ZC3H4: variants seen among roughly 807,000 people sequenced by gnomAD.
ZC3H4 encodes the protein zinc finger CCCH-type containing 4.
A neutral mutation model predicts 108.3 loss-of-function variants in ZC3H4; 13 were observed. The ratio of observed to expected loss-of-function variants is 0.12; its 90% CI spans 0.08 to 0.19. The LOEUF (loss-of-function observed/expected upper bound fraction) is 0.19. Ranked by LOEUF, ZC3H4 falls within the 10% of genes least tolerant of loss-of-function variation. The pLI is 1.00. For missense variants in ZC3H4, 1,734 were observed against 1,838.8 expected, an observed-to-expected ratio of 0.94 and a Z score of 1.04; for synonymous variants, 917 against 749.6, an observed-to-expected ratio of 1.22 and a Z score of -3.65.
chr19:47,092,907 T>C (rs1320829970), intron 4 of ZC3H4, among the ~76,000 whole-genome samples: 3 of 150,946 alleles, frequency 2.0e-5, no homozygotes, highest in Non-Finnish European at 3.0e-5. Context: ...CAACGAATAC[T>C]GGGTAAAGTA....
chr19:47,077,161 G>GA (rs908816683), intron 11 of ZC3H4, among the ~76,000 whole-genome samples: 21 of 142,378 alleles, frequency 1.5e-4, no homozygotes, highest in Non-Finnish European at 1.4e-4. Flanking sequence ...TTCCGTCTTG[G>GA]AAAAAAAAAA....
intron 4 of ZC3H4, 122 bp downstream of exon 4, chr19:47,093,848 A>G: frequency 1.3e-6 from 1 of 759,514 alleles, no homozygotes; most frequent in South Asian, 2.2e-5. Context: ...GATTAAATTA[A>G]TACCTGATGG....
chr19:47,100,469 C>T (rs2057889294), intron 2 of ZC3H4, among the ~76,000 whole-genome samples: 1 of 151,896 alleles, frequency 6.6e-6, no homozygotes. Context: ...CCAAGTGAGA[C>T]ACAAAACTGG....
intron 5 of ZC3H4, among the ~76,000 whole-genome samples, chr19:47,089,565 T>C (rs556118649): frequency 6.6e-6 from 1 of 152,290 alleles, no homozygotes. Context: ...AGGTTCAAGG[T>C]TCAGAGGTGT....
chr19:47,109,386 G>A (rs891006836), intron 2 of ZC3H4, among the ~76,000 whole-genome samples: 8 of 152,224 alleles, frequency 5.3e-5, no homozygotes, highest in African/African-American at 1.4e-4. Context: ...TTTCCTTAAC[G>A]TTTCTTTTTA....
intron 13 of ZC3H4, among the ~76,000 whole-genome samples, chr19:47,069,560 G>A (rs886868230): frequency 5.9e-5 from 9 of 152,262 alleles, no homozygotes; most frequent in South Asian, 4.1e-4. Flanking sequence ...TGAGTGATGC[G>A]GGCAAACGCT....
At chr19:47,087,899 C>A (rs1255811404) in intron 5 of ZC3H4, among the ~76,000 whole-genome samples, 1 of 151,828 alleles carries the variant, frequency 6.6e-6, no homozygotes, top group Non-Finnish European at 1.5e-5. Context: ...ATAGGCTGGG[C>A]GCGGTGGCTC....
Position 47,069,272 on chromosome 19 carries a change from G to A in ZC3H4, c.2218C>T (p.Pro740Ser). The A allele has an allele frequency of 1.9e-6, 3 of 1,613,892 alleles. No individual in the cohort carries two copies. The highest frequency in any genetic ancestry group is 2.5e-6 in the Non-Finnish European group (3 of 1,179,930). ...GGCCCTCCCTCAGAGAAGCTGTCGG[G>A]CTCCAGAGGGTGCTCAGGGAAGAGG... is the stretch of plus-strand genomic sequence containing the variant. ...EHLFPEHPLE[P>S]DSFSEGGPPG... The change falls in exon 14 of 15, where the codon CCC (proline) becomes TCC (serine). Residue 740 changes from proline (P) to serine (S), a missense_variant. Around this residue, in one of 9 missense-constraint regions of ZC3H4, gnomAD observed 540 missense variants for 484.1 expected, o/e 1.12. Coordinates refer to ENST00000253048, the MANE Select transcript of ZC3H4 (RefSeq NM_015168.2).
Position 47,071,315 on chromosome 19 carries a change from T to C in ZC3H4, c.2146+463A>G, listed in dbSNP as rs1468677026. ...GCGTCATCTAAACCCCTCTGCTCACTGGACATTTGTTACCAATGCAAAAGG... is the reference window on the plus strand; with the variant it reads ...GCGTCATCTAAACCCCTCTGCTCACCGGACATTTGTTACCAATGCAAAAGG... On this transcript the variant is annotated intron_variant, in intron 13 of 14. Transcript: ENST00000253048. 2.0e-5 allele frequency among the ~76,000 whole-genome samples: 3 copies of C among 152,232 alleles called. No homozygotes were observed. The East Asian group carries it at 5.8e-4, about 29-fold the overall frequency.
intron 1 of ZC3H4, 152 bp downstream of exon 1, chr19:47,113,568 G>A (rs774837166): frequency 5.9e-5 from 9 of 152,276 alleles, no homozygotes; most frequent in Non-Finnish European, 1.2e-4. Context: ...GGGGCTGAAG[G>A]GGAGAATAAA....
At position 47,072,625 on chromosome 19, in the gene ZC3H4, G is replaced by A. The variant is rs62635810; in HGVS notation, c.1529C>T (p.Pro510Leu). The A allele has an allele frequency of 6.2e-7, 1 of 1,612,088 alleles. No homozygotes were observed. Among genetic ancestry groups the A allele is most frequent in the Non-Finnish European group, 8.5e-7 (1 of 1,179,686 alleles). Residue 510 changes from proline (P) to leucine (L), a missense_variant, in exon 12 of 15, where the codon CCG (proline) becomes CTG (leucine). Transcript: ENST00000253048. The surrounding 1 kb of genome is among the most constrained non-coding windows in gnomAD (Gnocchi z 5.6). The stretch of plus-strand genomic sequence containing the variant: ...GGGCAGGAGGCCCACACCAGGGGGC[G>A]GTTTGGGCAGGGGGTTGATGCCCTG... ...KKQGINPLPK[P>L]PPGVGLLPTP... is the part of the protein sequence containing the mutation.
chr19:47,109,225 G>A (rs914285599), intron 2 of ZC3H4, among the ~76,000 whole-genome samples: 2 of 152,012 alleles, frequency 1.3e-5, no homozygotes, highest in Non-Finnish European at 2.9e-5. Flanking sequence ...TAATTACTGG[G>A]GCTTCTAGGT....
At chr19:47,071,578 T>A (rs1283600996) in intron 13 of ZC3H4, among the ~76,000 whole-genome samples, 200 bp downstream of exon 13, 1 of 152,132 alleles carries the variant, frequency 6.6e-6, no homozygotes, top group African/African-American at 2.4e-5. Flanking sequence ...TAACCTATAT[T>A]GGTAATACAC....
chr19:47,089,204 C>CAA lies in ZC3H4; in HGVS notation c.715+761_715+762dup, dbSNP rs888647856. Among the ~76,000 whole-genome samples, 99 of 26,788 alleles carry CAA rather than the reference C, an allele frequency of 3.7e-3. 2 individuals are homozygous for CAA. Among genetic ancestry groups the CAA allele is most frequent in the African/African-American group, 4.9e-3 (39 of 7,934 alleles). The allele number at this position is 26,788 out of a possible 152,430, so 17.6% of individuals were successfully genotyped here. On this transcript the variant is annotated intron_variant, in intron 5 of 14. Coordinates refer to ENST00000253048, the MANE Select transcript of ZC3H4 (RefSeq NM_015168.2). ...CTGGCGACAGAGCAAGACTCCGTCT[C>CAA]AAAAAAAAAAAAAAAAAAAAAAAAA...
At chr19:47,070,242 T>A (rs1317836499) in intron 13 of ZC3H4, among the ~76,000 whole-genome samples, 1 of 152,200 alleles carries the variant, frequency 6.6e-6, no homozygotes, top group Non-Finnish European at 1.5e-5. Context: ...CTGGGGCAGC[T>A]GAGCATTTAA....
intron 11 of ZC3H4, among the ~76,000 whole-genome samples, chr19:47,077,188 A>G (rs539606170): frequency 1.9e-4 from 29 of 151,298 alleles, no homozygotes; most frequent in Middle Eastern, 3.4e-3. Flanking sequence ...ACAGAACTAT[A>G]TATCAGGTGC....
At chr19:47,093,165 G>A (rs542729690) in intron 4 of ZC3H4, among the ~76,000 whole-genome samples, 15 of 140,890 alleles carry the variant, frequency 1.1e-4, no homozygotes, top group Middle Eastern at 4.0e-3. Flanking sequence ...GCAGTGAGCT[G>A]AGATTGCACC....
chr19:47,077,329 C>T lies in ZC3H4; in HGVS notation c.1440+4184G>A, dbSNP rs544720377. On this transcript the variant is annotated intron_variant, in intron 11 of 14. Coordinates refer to ENST00000253048, the MANE Select transcript of ZC3H4 (RefSeq NM_015168.2). Reference sequence around the variant, plus strand: ...ACTAAAAATACAAAAATTAGCCAGGCGTGTGTCAGGCACCTGTAATCCCAT... The same window carrying T: ...ACTAAAAATACAAAAATTAGCCAGGTGTGTGTCAGGCACCTGTAATCCCAT... Among the ~76,000 whole-genome samples, 687 of 149,368 alleles carry T rather than the reference C, an allele frequency of 4.6e-3. 5 individuals are homozygous for T. The highest frequency in any genetic ancestry group is 7.0e-3 in the Admixed American group (104 of 14,952).
intron 2 of ZC3H4, 166 bp downstream of exon 2, chr19:47,112,256 AAG>A (rs1336102712): frequency 8.7e-7 from 1 of 1,147,200 alleles, no homozygotes; most frequent in Non-Finnish European, 1.1e-6. Context: ...GCAAGCGAGA[AAG>A]AGCGAGCGAG....
Sources: allele counts gnomAD v4.1 joint callset (sites outside exome capture counted in the v4.1 genomes callset), GRCh38; gene constraint gnomAD v4.1.1; regional missense constraint gnomAD v4.1.1; non-coding constraint Gnocchi (gnomAD v3.1); transcripts MANE v1.5; gene names NCBI Gene and HGNC (gene_info 2026-07-23, HGNC 2026-07-21).